Variants in HERC6 observed in about 807,000 individuals in gnomAD.
The protein encoded by HERC6 is probable E3 ubiquitin-protein ligase HERC6.
In HERC6, 101 loss-of-function variants were observed where a neutral mutation model predicts 114.5. That is an observed-to-expected ratio of 0.88 (90% CI 0.75 to 1.04). HERC6 has a LOEUF of 1.04. Among genes scored for constraint, HERC6 ranks in the 50% least tolerant of loss-of-function variants. The pLI, the probability that HERC6 is intolerant of heterozygous loss-of-function variation, is 0.00. For synonymous variants in HERC6, 408 were observed against 436.2 expected (o/e 0.94, Z 0.81); for missense variants, 1,133 against 1,230.9 (o/e 0.92, Z 1.19).
At chr4:88,400,166 C>A (rs1735457780) in intron 8 of HERC6, among the ~76,000 whole-genome samples, 1 of 152,182 alleles carries the variant, frequency 6.6e-6, no homozygotes, top group Non-Finnish European at 1.5e-5. Context: ...GAGAAGAAAG[C>A]ACCTGTATGG....
At chr4:88,407,866 G>A (rs897439115) in intron 10 of HERC6, among the ~76,000 whole-genome samples, 2 of 152,176 alleles carry the variant, frequency 1.3e-5, no homozygotes, top group Admixed American at 1.3e-4. Context: ...AGACCAGTTC[G>A]GAATTTATTT....
At position 88,442,461 on chromosome 4, in the gene HERC6, T is replaced by C. The variant is rs765967005; in HGVS notation, c.*1T>C. 8 of 1,611,300 alleles carry C rather than the reference T, an allele frequency of 5.0e-6. No homozygotes were observed. Among genetic ancestry groups the C allele is most frequent in the Non-Finnish European group, 6.8e-6 (8 of 1,178,076 alleles). ...CTCACCCATGCTCACACAGTCATAA[T>C]CACCTCTGAGAGACTCAGGGTGGGC... On this transcript the variant is annotated 3_prime_UTR_variant, in exon 23 of 23. Transcript: ENST00000264346.
chr4:88,382,150 G>A (rs1273982695), intron 1 of HERC6, among the ~76,000 whole-genome samples: 1 of 152,066 alleles, frequency 6.6e-6, no homozygotes, highest in Non-Finnish European at 1.5e-5. Context: ...ACAGTAAATA[G>A]TTGAAAAAGA....
chr4:88,389,171 T>C lies in HERC6; in HGVS notation c.437-1481T>C, dbSNP rs556655304. Among the ~76,000 whole-genome samples the C allele has an allele frequency of 3.3e-5, 5 of 151,776 alleles. No homozygotes were observed. The South Asian group carries it at 1.0e-3, about 32-fold the overall frequency. On this transcript the variant is annotated intron_variant, in intron 3 of 22. Transcript: ENST00000264346. ...CAAAGGCCATGGGGTTGGGGCATGC[T>C]CAGAAGTGTACTCCAGGAATAGCAA... is the stretch of plus-strand genomic sequence containing the variant.
intron 7 of HERC6, among the ~76,000 whole-genome samples, chr4:88,397,922 T>A (rs1010824539): frequency 6.6e-6 from 1 of 152,162 alleles, no homozygotes; most frequent in Non-Finnish European, 1.5e-5. Flanking sequence ...AATTTTAGAC[T>A]AAGTGAATAT....
chr4:88,412,513 C>T (rs1235110265), intron 11 of HERC6, among the ~76,000 whole-genome samples: 2 of 152,134 alleles, frequency 1.3e-5, no homozygotes, highest in Admixed American at 1.3e-4. Flanking sequence ...GGAGGATTGC[C>T]TCAACCAAGG....
chr4:88,391,668 C>T (rs1011068766), intron 4 of HERC6, among the ~76,000 whole-genome samples: 1 of 152,186 alleles, frequency 6.6e-6, no homozygotes, highest in African/African-American at 2.4e-5. Flanking sequence ...AGTTTAGAAA[C>T]TGCTGGACTA....
At chr4:88,401,682 T>C (rs1735555146) in intron 8 of HERC6, among the ~76,000 whole-genome samples, 1 of 152,120 alleles carries the variant, frequency 6.6e-6, no homozygotes, top group African/African-American at 2.4e-5. Context: ...AGTTCTTGCT[T>C]AATTGCTTCA....
chr4:88,395,684 A>AT (rs996713815), intron 5 of HERC6, among the ~76,000 whole-genome samples: 1,732 of 148,372 alleles, frequency 0.012, 14 homozygotes, highest in Non-Finnish European at 0.018. Flanking sequence ...AATGCTAATG[A>AT]TTTTTTTTTT....
intron 1 of HERC6, among the ~76,000 whole-genome samples, chr4:88,379,429 A>G (rs1419430550): frequency 1.3e-5 from 2 of 151,628 alleles, no homozygotes; most frequent in African/African-American, 4.9e-5. Flanking sequence ...TTCCAATTCA[A>G]GTTCAAAGCG....
intron 2 of HERC6, among the ~76,000 whole-genome samples, chr4:88,384,009 G>T (rs1734452655): frequency 6.6e-6 from 1 of 152,038 alleles, no homozygotes; most frequent in Non-Finnish European, 1.5e-5. Flanking sequence ...AAACATTTGA[G>T]CTGCAAAAGA....
intron 8 of HERC6, among the ~76,000 whole-genome samples, chr4:88,404,431 C>T (rs553344637): frequency 2.7e-4 from 41 of 152,224 alleles, no homozygotes; most frequent in African/African-American, 8.2e-4. Context: ...TCAGGTGATC[C>T]GCTTGCCTCA....
At chr4:88,434,451 T>A (rs1398801588) in intron 17 of HERC6, among the ~76,000 whole-genome samples, 2 of 152,170 alleles carry the variant, frequency 1.3e-5, no homozygotes, top group Non-Finnish European at 2.9e-5. Context: ...AGTGATTGCA[T>A]TTGAAAGTAT....
chr4:88,381,249 T>G (rs1734302192), intron 1 of HERC6, among the ~76,000 whole-genome samples: 1 of 152,118 alleles, frequency 6.6e-6, no homozygotes, highest in South Asian at 2.1e-4. Context: ...TCCTGCAAAC[T>G]TAACTGACAA....
At chr4:88,432,179 G>C (rs958146153) in intron 17 of HERC6, among the ~76,000 whole-genome samples, 2 of 152,058 alleles carry the variant, frequency 1.3e-5, no homozygotes, top group African/African-American at 4.8e-5. Context: ...TTAAAATATT[G>C]TTTGAAATTA....
At chr4:88,379,802 A>T (rs1281329003) in intron 1 of HERC6, among the ~76,000 whole-genome samples, 2 of 82,704 alleles carry the variant, frequency 2.4e-5, no homozygotes, top group Non-Finnish European at 4.1e-5. Flanking sequence ...AAATATATAT[A>T]ATATATAAAT....
intron 3 of HERC6, among the ~76,000 whole-genome samples, 175 bp downstream of exon 3, chr4:88,385,750 T>G (rs1283759107): frequency 6.6e-6 from 1 of 152,188 alleles, no homozygotes; most frequent in Non-Finnish European, 1.5e-5. Context: ...AATTATACTC[T>G]AAACAGTGCC....
In HERC6 at chr4:88,378,914, G is replaced by A. The variant is rs1323095472; in HGVS notation, c.-8G>A. ...AATCCGGAGCAGGCGACAGGGCGCAGAAGCGGGATGTACTTCTGTTGGGGC... is the reference window on the plus strand; with the variant it reads ...AATCCGGAGCAGGCGACAGGGCGCAAAAGCGGGATGTACTTCTGTTGGGGC... On this transcript the variant is annotated 5_prime_UTR_variant, in exon 1 of 23. Transcript: ENST00000264346. 2 of 1,582,964 alleles carry A rather than the reference G, an allele frequency of 1.3e-6. No homozygotes were observed. Among genetic ancestry groups the A allele is most frequent in the South Asian group, 2.3e-5 (2 of 86,902 alleles).
intron 1 of HERC6, among the ~76,000 whole-genome samples, chr4:88,380,196 TATAA>T (rs1734165905): frequency 4.6e-4 from 1 of 2,188 alleles, no homozygotes; most frequent in Non-Finnish European, 8.2e-4. Flanking sequence ...ATATATATAA[TATAA>T]ATATATATAT....
Sources: gnomAD v4.1 joint callset for allele counts (sites outside exome capture counted in the v4.1 genomes callset) on GRCh38, gnomAD v4.1.1 for gene constraint, MANE v1.5 for transcripts, NCBI Gene and HGNC (gene_info 2026-07-23, HGNC 2026-07-21) for gene names.